ACER3: variants seen among roughly 807,000 people sequenced by gnomAD.
ACER3 encodes alkCDase 3.
ACER3 carries 16 observed loss-of-function variants against 48.9 expected under a neutral mutation model. The observed-to-expected ratio is 0.33, with a 90% CI of 0.22 to 0.50. ACER3 has a LOEUF of 0.50. ACER3 is among the 20% of genes least tolerant of loss of function. The pLI is 0.98. For missense variants in ACER3, 227 were observed against 326.0 expected (o/e 0.70, Z 2.34); for synonymous variants, 109 against 107.8 (o/e 1.01, Z -0.07).
chr11:77,014,786 T>A (rs1949335315), intron 7 of ACER3, among the ~76,000 whole-genome samples: 1 of 152,180 alleles, frequency 6.6e-6, no homozygotes, highest in African/African-American at 2.4e-5. Flanking sequence ...GTAGCACATG[T>A]CTATTTTCCC....
At chr11:76,927,950 AT>A (rs1274005057) in intron 2 of ACER3, among the ~76,000 whole-genome samples, 1 of 152,086 alleles carries the variant, frequency 6.6e-6, no homozygotes, top group Non-Finnish European at 1.5e-5. Flanking sequence ...TAGCAGCATG[AT>A]TTATAATCCT....
chr11:76,896,720 CAA>C (rs1945939721), intron 1 of ACER3, among the ~76,000 whole-genome samples: 2 of 152,148 alleles, frequency 1.3e-5, no homozygotes, highest in Non-Finnish European at 2.9e-5. Context: ...CTCTTTTTCT[CAA>C]ACTTTTTGCT....
At chr11:76,879,585 T>G (rs564363091) in intron 1 of ACER3, among the ~76,000 whole-genome samples, 4 of 152,232 alleles carry the variant, frequency 2.6e-5, no homozygotes, top group African/African-American at 7.2e-5. Flanking sequence ...TTTGCAGATA[T>G]CCTGTATTTG....
At chr11:76,924,995 A>G (rs1946787698) in intron 1 of ACER3, among the ~76,000 whole-genome samples, 1 of 145,606 alleles carries the variant, frequency 6.9e-6, no homozygotes, top group Non-Finnish European at 1.5e-5. Context: ...AAAAAAAAAC[A>G]CCAAAAATTT....
At chr11:77,016,605 C>A in intron 8 of ACER3, 70 bp from the exon 9 acceptor site, 1 of 785,576 alleles carries the variant, frequency 1.3e-6, no homozygotes, top group South Asian at 1.9e-5. Flanking sequence ...TCAAAATGCT[C>A]TAAGACTATC....
intron 7 of ACER3, among the ~76,000 whole-genome samples, chr11:77,009,113 A>G (rs1301194391): frequency 6.6e-6 from 1 of 152,230 alleles, no homozygotes; most frequent in Non-Finnish European, 1.5e-5. Context: ...ACTGCTATAA[A>G]GAAATACTGG....
chr11:76,950,927 C>T (rs1947649616), intron 2 of ACER3, among the ~76,000 whole-genome samples: 1 of 152,074 alleles, frequency 6.6e-6, no homozygotes. Flanking sequence ...ATTCTACTTG[C>T]CCTCATTTTT....
rs1198331726 is a variant in ACER3, at chr11:77,023,441, G to A, written c.*3114G>A. 2.9e-6 allele frequency: 1 copy of A among 340,026 alleles called. No individual in the cohort carries two copies. Among genetic ancestry groups the A allele is most frequent in the Non-Finnish European group, 5.3e-6 (1 of 188,670 alleles). The allele number at this position is 340,026 out of a possible 1,614,324, so 21.1% of individuals were successfully genotyped here. The stretch of plus-strand genomic sequence containing the variant: ...TATAATACCAGCCAATTCTGAATTA[G>A]CCAATGCCCTAAAAGCATCTAACAA... On this transcript the variant is annotated 3_prime_UTR_variant, in exon 11 of 11. Coordinates refer to ENST00000532485, the MANE Select transcript of ACER3 (RefSeq NM_018367.7).
At chr11:76,938,519 A>G (rs1389538052) in intron 2 of ACER3, among the ~76,000 whole-genome samples, 1 of 152,028 alleles carries the variant, frequency 6.6e-6, no homozygotes, top group African/African-American at 2.4e-5. Context: ...AGGTCTCCCT[A>G]TGTTGCCCAG....
rs1366051502 is a variant in ACER3 at position 77,023,945 on chromosome 11, G to C, written c.*3618G>C. On this transcript the variant is annotated 3_prime_UTR_variant, in exon 11 of 11. Transcript: ENST00000532485. ...AAAAATTAGTCGGGCATGGTGGCGG[G>C]CGCCTGTAGTCCCAGCTACTCGGGA... is the stretch of plus-strand genomic sequence containing the variant. 1 of 151,662 alleles carries C rather than the reference G, an allele frequency of 6.6e-6. No individual in the cohort carries two copies. Among genetic ancestry groups the C allele is most frequent in the East Asian group, 1.9e-4 (1 of 5,132 alleles). The allele number at this position is 151,662 out of a possible 1,614,324, so 9.4% of individuals were successfully genotyped here.
chr11:76,920,130 A>T (rs1195611289), intron 1 of ACER3, among the ~76,000 whole-genome samples: 1 of 152,178 alleles, frequency 6.6e-6, no homozygotes, highest in Admixed American at 6.5e-5. Flanking sequence ...CAGCTCTTGC[A>T]GTCCAAGTGG....
chr11:76,901,422 T>C (rs1946079824), intron 1 of ACER3, among the ~76,000 whole-genome samples: 1 of 152,194 alleles, frequency 6.6e-6, no homozygotes, highest in Non-Finnish European at 1.5e-5. Context: ...TGGTTTTGTC[T>C]TTTCCCTTCA....
chr11:76,973,754 T>G (rs1027053335), intron 3 of ACER3, among the ~76,000 whole-genome samples: 2 of 151,468 alleles, frequency 1.3e-5, no homozygotes, highest in Non-Finnish European at 1.5e-5. Flanking sequence ...ACTTTATCTG[T>G]TTTTTTTTCT....
At chr11:77,009,453 T>A (rs568024994) in intron 7 of ACER3, among the ~76,000 whole-genome samples, 1 of 152,146 alleles carries the variant, frequency 6.6e-6, no homozygotes, top group Non-Finnish European at 1.5e-5. Context: ...CAACATGAGA[T>A]CTGGAGGGAG....
At chr11:76,902,597 T>G (rs1946108411) in intron 1 of ACER3, among the ~76,000 whole-genome samples, 1 of 152,228 alleles carries the variant, frequency 6.6e-6, no homozygotes, top group African/African-American at 2.4e-5. Context: ...ATGTAATGAC[T>G]TTTCTCTGCT....
chr11:77,024,352 G>A lies in ACER3; in HGVS notation c.*4025G>A, dbSNP rs142771158. 6.0e-5 allele frequency: 9 copies of A among 150,344 alleles called. No homozygotes were observed. The highest frequency in any genetic ancestry group is 2.2e-4 in the African/African-American group (9 of 41,254). The allele number at this position is 150,344 out of a possible 1,614,324, so 9.3% of individuals were successfully genotyped here. The stretch of plus-strand genomic sequence containing the variant: ...TCTAACTACGTAATTGCTACATGGG[G>A]GAGCTGCTGGTGTTGTTGAGGTCCT... On this transcript the variant is annotated 3_prime_UTR_variant, in exon 11 of 11. Transcript: ENST00000532485.
At chr11:76,981,423 G>A (rs1948580716) in intron 4 of ACER3, among the ~76,000 whole-genome samples, 1 of 152,156 alleles carries the variant, frequency 6.6e-6, no homozygotes, top group South Asian at 2.1e-4. Flanking sequence ...TTAAGTGTAT[G>A]GTTTGATGAG....
At chr11:76,865,811 T>C (rs1945069671) in intron 1 of ACER3, among the ~76,000 whole-genome samples, 2 of 130,850 alleles carry the variant, frequency 1.5e-5, no homozygotes, top group Admixed American at 1.5e-4. Context: ...GCCCAGCATC[T>C]TTTTTTTTTT....
intron 1 of ACER3, among the ~76,000 whole-genome samples, chr11:76,875,446 A>T (rs977429914): frequency 4.6e-5 from 7 of 151,988 alleles, no homozygotes; most frequent in African/African-American, 1.7e-4. Context: ...TGAAATTTTT[A>T]TGCATACAAC....
Sources: gnomAD v4.1 joint callset for allele counts (sites outside exome capture counted in the v4.1 genomes callset) on GRCh38, gnomAD v4.1.1 for gene constraint, MANE v1.5 for transcripts, NCBI Gene and HGNC (gene_info 2026-07-23, HGNC 2026-07-21) for gene names.